The following RPH3AL variants were observed in gnomAD, a reference collection of about 807,000 sequenced individuals.
RPH3AL encodes rabphilin 3A like (without C2 domains), also known as rab effector Noc2.
A neutral mutation model predicts 43.1 loss-of-function variants in RPH3AL; 38 were observed. The observed-to-expected ratio is 0.88, with a 90% CI of 0.68 to 1.15. The LOEUF is 1.15. Among genes scored for constraint, RPH3AL ranks in the 50% most tolerant of loss-of-function variants. The pLI, the probability that RPH3AL is intolerant of heterozygous loss-of-function variation, is 0.00. For missense variants in RPH3AL, 462 were observed against 423.2 expected (o/e 1.09, Z -0.81); for synonymous variants, 189 against 176.3 (o/e 1.07, Z -0.57).
At position 289,479 on chromosome 17, in the gene RPH3AL, A is replaced by G. The variant is rs1169255143; in HGVS notation, c.352-7625T>C. Among the ~76,000 whole-genome samples, 2 of 152,036 alleles carry G rather than the reference A, an allele frequency of 1.3e-5. No individual in the cohort carries two copies. The highest frequency in any genetic ancestry group is 4.8e-5 in the African/African-American group (2 of 41,378). Reference sequence around the variant, plus strand: ...GCCCACGCCCACACCAAGGCCGCCCAGCAGATCTCTCTACCCCACCGCGCT... The same window carrying G: ...GCCCACGCCCACACCAAGGCCGCCCGGCAGATCTCTCTACCCCACCGCGCT... On this transcript the variant is annotated intron_variant, in intron 5 of 9. Transcript: ENST00000331302. This position sits in a 1 kb window ranked among gnomAD's most constrained non-coding sequence, Gnocchi z 5.2.
At chr17:293,377 CT>C (rs2043091234) in intron 5 of RPH3AL, among the ~76,000 whole-genome samples, 2 of 151,826 alleles carry the variant, frequency 1.3e-5, no homozygotes, top group South Asian at 4.2e-4. Flanking sequence ...TTGGACGGGG[CT>C]TCGGATCATT....
chr17:325,907 G>A (rs1171083489), intron 3 of RPH3AL, among the ~76,000 whole-genome samples: 4 of 152,190 alleles, frequency 2.6e-5, no homozygotes, highest in Admixed American at 2.6e-4. Context: ...TCCAGAGACT[G>A]TGCCAGGTAC....
At chr17:337,982 A>G (rs1326421028) in intron 1 of RPH3AL, among the ~76,000 whole-genome samples, 40 of 152,196 alleles carry the variant, frequency 2.6e-4, no homozygotes, top group Admixed American at 2.5e-3. Context: ...AAAGCCTCCA[A>G]TGCAAATGAG....
chr17:260,030 G>C (rs1027052603), intron 6 of RPH3AL, among the ~76,000 whole-genome samples: 8 of 152,164 alleles, frequency 5.3e-5, no homozygotes, highest in Admixed American at 3.3e-4. Flanking sequence ...TCTGTCCATT[G>C]TCCACCCCTT....
intron 7 of RPH3AL, among the ~76,000 whole-genome samples, chr17:223,631 C>T (rs9896436): frequency 0.54 from 82,122 of 151,914 alleles, 22,715 homozygotes; most frequent in African/African-American, 0.66. Flanking sequence ...GGGAAGAATT[C>T]AGAGACCGCA....
chr17:311,635 C>T lies in RPH3AL; in HGVS notation c.351+7785G>A, dbSNP rs117809908. 7.4e-3 allele frequency among the ~76,000 whole-genome samples: 1,126 copies of T among 152,258 alleles called. 8 individuals are homozygous for T. The highest frequency in any genetic ancestry group is 0.012 in the Non-Finnish European group (792 of 68,022). ...CAACCCAGGATTGGCTCACAATGGG[C>T]GAAGCGATCAAGAAAGACATTTATA... On this transcript the variant is annotated intron_variant, in intron 5 of 9. Coordinates refer to ENST00000331302, the MANE Select transcript of RPH3AL (RefSeq NM_006987.4).
intron 5 of RPH3AL, among the ~76,000 whole-genome samples, chr17:282,392 C>T (rs1462505072): frequency 6.6e-6 from 1 of 152,174 alleles, no homozygotes; most frequent in Non-Finnish European, 1.5e-5. Flanking sequence ...GTGAGGAACC[C>T]GGGGCTTGGC....
chr17:321,199 G>A (rs1212742282), intron 4 of RPH3AL, 73 bp downstream of exon 4: 26 of 1,519,256 alleles, frequency 1.7e-5, no homozygotes, highest in Middle Eastern at 2.1e-4. Flanking sequence ...CGGAGTGCCG[G>A]CCTCCCAGTC....
intron 6 of RPH3AL, among the ~76,000 whole-genome samples, chr17:265,193 C>T (rs1002690197): frequency 6.6e-6 from 1 of 152,130 alleles, no homozygotes; most frequent in African/African-American, 2.4e-5. Flanking sequence ...CTCAATCGAT[C>T]CTCCCACCTA....
intron 5 of RPH3AL, among the ~76,000 whole-genome samples, chr17:293,947 G>T (rs1211729888): frequency 1.3e-5 from 2 of 152,160 alleles, no homozygotes; most frequent in African/African-American, 4.8e-5. Flanking sequence ...AGAACTGCTT[G>T]AAACCAGAAG....
chr17:238,516 C>T (rs548091176), intron 7 of RPH3AL, among the ~76,000 whole-genome samples: 10 of 152,308 alleles, frequency 6.6e-5, no homozygotes, highest in Admixed American at 2.0e-4. Context: ...ACTCCAGCCG[C>T]GCCTTTATCG....
At chr17:259,768 C>T (rs1431076243) in intron 6 of RPH3AL, among the ~76,000 whole-genome samples, 5 of 152,284 alleles carry the variant, frequency 3.3e-5, no homozygotes, top group African/African-American at 1.2e-4. Flanking sequence ...GCTCGCCCTG[C>T]TCTGTGCTCC....
intron 6 of RPH3AL, among the ~76,000 whole-genome samples, chr17:278,042 G>A (rs1408535931): frequency 2.6e-5 from 4 of 152,022 alleles, no homozygotes; most frequent in South Asian, 4.1e-4. Flanking sequence ...CCACTCTATC[G>A]TAACTCTGAT....
At chr17:316,762 G>C (rs957088003) in intron 5 of RPH3AL, among the ~76,000 whole-genome samples, 3 of 97,594 alleles carry the variant, frequency 3.1e-5, no homozygotes, top group Admixed American at 2.3e-4. Context: ...CACCTCCATT[G>C]ACCTGAAGTC....
At chr17:337,916 T>G (rs2045004491) in intron 1 of RPH3AL, among the ~76,000 whole-genome samples, 1 of 152,212 alleles carries the variant, frequency 6.6e-6, no homozygotes, top group South Asian at 2.1e-4. Flanking sequence ...GGACCCCAAA[T>G]CCCTGCTCGT....
At chr17:258,886 G>A (rs533858554) in intron 6 of RPH3AL, among the ~76,000 whole-genome samples, 14 of 149,742 alleles carry the variant, frequency 9.3e-5, no homozygotes, top group Non-Finnish European at 1.6e-4. Flanking sequence ...TCAACCTCCC[G>A]AGTAGCCAGG....
intron 4 of RPH3AL, among the ~76,000 whole-genome samples, 181 bp downstream of exon 4, chr17:321,091 G>A (rs899037321): frequency 1.3e-5 from 2 of 152,182 alleles, no homozygotes; most frequent in Non-Finnish European, 2.9e-5. Context: ...CAGCGGGCTG[G>A]GTTACACTCC....
chr17:254,588 G>A (rs2042012865), intron 6 of RPH3AL, among the ~76,000 whole-genome samples: 3 of 3,446 alleles, frequency 8.7e-4, no homozygotes, highest in Non-Finnish European at 1.4e-3. Context: ...GCCGCACGGC[G>A]TCTGTCCTTT....
intron 6 of RPH3AL, among the ~76,000 whole-genome samples, chr17:249,743 C>T (rs933433445): frequency 1.3e-5 from 2 of 152,132 alleles, no homozygotes; most frequent in Non-Finnish European, 2.9e-5. Context: ...CAAGCTCCAT[C>T]GCTGCGGGAC....
Sources: allele counts gnomAD v4.1 joint callset (sites outside exome capture counted in the v4.1 genomes callset), GRCh38; gene constraint gnomAD v4.1.1; non-coding constraint Gnocchi (gnomAD v3.1); transcripts MANE v1.5; gene names NCBI Gene and HGNC (gene_info 2026-07-23, HGNC 2026-07-21).